The following DLG2 variants were observed in gnomAD, a reference collection of about 807,000 sequenced individuals.
DLG2 encodes discs large MAGUK scaffold protein 2.
DLG2 carries 45 observed loss-of-function variants against 132.5 expected under a neutral mutation model. The observed-to-expected ratio is 0.34, with a 90% CI of 0.27 to 0.44. DLG2 has a LOEUF of 0.44. Among genes scored for constraint, DLG2 ranks in the 20% least tolerant of loss-of-function variants. The pLI is 1.00. For missense variants in DLG2, 1,045 were observed against 1,196.9 expected (o/e 0.87, Z 1.87); for synonymous variants, 424 against 419.6 (o/e 1.01, Z -0.13).
chr11:83,758,822 A>G (rs979238727), intron 18 of DLG2, among the ~76,000 whole-genome samples: 3 of 152,186 alleles, frequency 2.0e-5, no homozygotes, highest in Non-Finnish European at 2.9e-5. Context: ...TACTCATAAT[A>G]TGGCTTGCAA....
At chr11:83,746,497 C>T (rs1282372200) in intron 18 of DLG2, among the ~76,000 whole-genome samples, 1 of 151,858 alleles carries the variant, frequency 6.6e-6, no homozygotes, top group Non-Finnish European at 1.5e-5. Flanking sequence ...AAACACCGCA[C>T]GTTCTCACTT....
At chr11:84,498,983 G>C (rs2099194025) in intron 7 of DLG2, among the ~76,000 whole-genome samples, 1 of 152,164 alleles carries the variant, frequency 6.6e-6, no homozygotes, top group Non-Finnish European at 1.5e-5. Flanking sequence ...GGTCAAAGCT[G>C]CACCTAGAAC....
At chr11:84,655,878 CT>C (rs2099687646) in intron 6 of DLG2, among the ~76,000 whole-genome samples, 1 of 152,068 alleles carries the variant, frequency 6.6e-6, no homozygotes, top group South Asian at 2.1e-4. Context: ...TTTCATTAGC[CT>C]GTGCTCAAGT....
At chr11:83,885,780 TG>T (rs1294675983) in intron 15 of DLG2, among the ~76,000 whole-genome samples, 3 of 151,976 alleles carry the variant, frequency 2.0e-5, no homozygotes, top group African/African-American at 7.3e-5. Flanking sequence ...CAGAATAGAG[TG>T]GGGGCCAATA....
intron 20 of DLG2, among the ~76,000 whole-genome samples, chr11:83,541,335 T>C (rs2096062249): frequency 6.6e-6 from 1 of 152,124 alleles, no homozygotes; most frequent in Non-Finnish European, 1.5e-5. Context: ...TTGGTAAATG[T>C]TGAAACTCTG....
chr11:84,496,327 G>A (rs2099183805), intron 7 of DLG2, among the ~76,000 whole-genome samples: 1 of 152,088 alleles, frequency 6.6e-6, no homozygotes. Context: ...ATATAGCTTG[G>A]GGTGAGCTCT....
chr11:84,211,358 T>C (rs1356042055), intron 8 of DLG2, among the ~76,000 whole-genome samples: 1 of 152,222 alleles, frequency 6.6e-6, no homozygotes, highest in Admixed American at 6.5e-5. Context: ...CCTGCTCAGA[T>C]TGAGACCAGT....
chr11:83,578,822 T>G (rs2096923650), intron 19 of DLG2, among the ~76,000 whole-genome samples: 1 of 152,200 alleles, frequency 6.6e-6, no homozygotes. Flanking sequence ...TCTTTTCAAG[T>G]GCGTATGAAA....
At chr11:84,840,047 C>T (rs1414952670) in intron 6 of DLG2, among the ~76,000 whole-genome samples, 1 of 152,058 alleles carries the variant, frequency 6.6e-6, no homozygotes, top group Non-Finnish European at 1.5e-5. Context: ...ATCGAGTGAA[C>T]AGGCAACCTA....
intron 4 of DLG2, among the ~76,000 whole-genome samples, chr11:85,280,044 A>G (rs899692963): frequency 2.0e-5 from 3 of 152,150 alleles, no homozygotes; most frequent in Non-Finnish European, 2.9e-5. Context: ...TGACAAAACA[A>G]GGGGAAAAGT....
At chr11:85,100,229 A>G (rs908684397) in intron 6 of DLG2, among the ~76,000 whole-genome samples, 2 of 152,136 alleles carry the variant, frequency 1.3e-5, no homozygotes, top group Non-Finnish European at 2.9e-5. Context: ...GAGGCAACAT[A>G]GATTTTAAAT....
At chr11:84,081,964 C>T (rs2096910775) in intron 10 of DLG2, among the ~76,000 whole-genome samples, 1 of 152,126 alleles carries the variant, frequency 6.6e-6, no homozygotes, top group Non-Finnish European at 1.5e-5. Flanking sequence ...TCCTATTTCT[C>T]CATATGCTCT....
chr11:83,501,827 C>T (rs1407448577), intron 21 of DLG2, among the ~76,000 whole-genome samples: 4 of 152,196 alleles, frequency 2.6e-5, no homozygotes, highest in African/African-American at 9.7e-5. Flanking sequence ...CATATCACCA[C>T]ATTAGGCCCC....
chr11:83,825,150 C>CACACATAT (rs1325380357), intron 17 of DLG2, among the ~76,000 whole-genome samples: 71 of 80,298 alleles, frequency 8.8e-4, no homozygotes, highest in African/African-American at 3.2e-3. Flanking sequence ...CACACACACA[C>CACACATAT]ACATATATAT....
intron 6 of DLG2, among the ~76,000 whole-genome samples, chr11:84,546,108 C>G (rs532816008): frequency 1.4e-4 from 22 of 152,256 alleles, no homozygotes; most frequent in South Asian, 4.1e-4. Context: ...TGGTTTGGAT[C>G]TGTGTTCCCA....
intron 6 of DLG2, among the ~76,000 whole-genome samples, chr11:84,563,836 A>G (rs2099438047): frequency 6.6e-6 from 1 of 152,184 alleles, no homozygotes; most frequent in African/African-American, 2.4e-5. Flanking sequence ...CCTCTGGTAG[A>G]CAAATTTCTC....
At position 85,528,036 on chromosome 11, in the gene DLG2, T is replaced by G. The variant is rs141020389; in HGVS notation, c.40+70621A>C. 9.5e-3 allele frequency among the ~76,000 whole-genome samples: 1,440 copies of G among 152,284 alleles called. 18 individuals are homozygous for G. The highest frequency in any genetic ancestry group is 0.033 in the African/African-American group (1,351 of 41,566). ...GCCCACTTTTTGATGGGATTGTTTGTTTTTTTCTTGTAGATTTATTTAAGT... is the reference window on the plus strand; with the variant it reads ...GCCCACTTTTTGATGGGATTGTTTGGTTTTTTCTTGTAGATTTATTTAAGT... On this transcript the variant is annotated intron_variant, in intron 3 of 27. Coordinates refer to ENST00000376104, the MANE Select transcript of DLG2 (RefSeq NM_001142699.3).
At chr11:84,127,867 T>C (rs1288528446) in intron 9 of DLG2, among the ~76,000 whole-genome samples, 1 of 152,192 alleles carries the variant, frequency 6.6e-6, no homozygotes, top group Non-Finnish European at 1.5e-5. Context: ...CTTCATCATC[T>C]ACAAAGACCC....
chr11:83,940,083 C>T (rs957626416), intron 14 of DLG2, among the ~76,000 whole-genome samples: 14 of 152,136 alleles, frequency 9.2e-5, no homozygotes, highest in Non-Finnish European at 4.4e-5. Context: ...GTTTGGTGGC[C>T]ATGAGGGAAG....
Sources: gnomAD v4.1 joint callset for allele counts (sites outside exome capture counted in the v4.1 genomes callset) on GRCh38, gnomAD v4.1.1 for gene constraint, MANE v1.5 for transcripts, NCBI Gene and HGNC (gene_info 2026-07-23, HGNC 2026-07-21) for gene names.